The following MAGI1 variants were observed in gnomAD, a reference collection of about 807,000 sequenced individuals.
MAGI1 encodes membrane associated guanylate kinase, WW and PDZ domain containing 1.
In MAGI1, 58 loss-of-function variants were observed where a neutral mutation model predicts 139.9. The observed-to-expected ratio is 0.41, with a 90% CI of 0.34 to 0.52. The LOEUF is 0.52. Among genes scored for constraint, MAGI1 ranks in the 20% least tolerant of loss-of-function variants. MAGI1 has a pLI of 0.12. For missense variants in MAGI1, 1,874 were observed against 1,901.6 expected, an observed-to-expected ratio of 0.99 and a Z score of 0.27; for synonymous variants, 812 against 737.9, an observed-to-expected ratio of 1.10 and a Z score of -1.63.
At chr3:65,778,901 G>C (rs867293139) in intron 1 of MAGI1, among the ~76,000 whole-genome samples, 1 of 152,170 alleles carries the variant, frequency 6.6e-6, no homozygotes, top group Non-Finnish European at 1.5e-5. Context: ...GACATTTGGG[G>C]ATGTCCAGAG....
intron 1 of MAGI1, among the ~76,000 whole-genome samples, chr3:65,631,021 G>A (rs890252188): frequency 1.3e-5 from 2 of 152,254 alleles, no homozygotes; most frequent in Non-Finnish European, 2.9e-5. Context: ...TTCTTTTGCA[G>A]TTGTGTAGTG....
chr3:65,359,020 T>C (rs1483060861), intron 22 of MAGI1: 3 of 1,542,850 alleles, frequency 1.9e-6, no homozygotes, highest in East Asian at 2.2e-5. Context: ...ATGAGGAAAT[T>C]AGGCCACAGC....
chr3:65,534,569 G>C (rs1257639447), intron 2 of MAGI1, among the ~76,000 whole-genome samples: 5 of 152,122 alleles, frequency 3.3e-5, no homozygotes, highest in Admixed American at 3.3e-4. Flanking sequence ...TGTTACTTGG[G>C]CAAGTGTCTG....
intron 2 of MAGI1, among the ~76,000 whole-genome samples, chr3:65,604,875 T>C (rs1436125501): frequency 6.6e-6 from 1 of 152,188 alleles, no homozygotes; most frequent in Non-Finnish European, 1.5e-5. Flanking sequence ...ACATTTTCCT[T>C]AATGTGTTAC....
At chr3:65,591,919 C>T (rs577623901) in intron 2 of MAGI1, among the ~76,000 whole-genome samples, 4 of 152,306 alleles carry the variant, frequency 2.6e-5, no homozygotes, top group East Asian at 3.9e-4. Context: ...TATTTAAAAA[C>T]TGCAACATGC....
chr3:65,610,769 T>TATATATAGC (rs2083022182), intron 2 of MAGI1, among the ~76,000 whole-genome samples: 1 of 144,048 alleles, frequency 6.9e-6, no homozygotes, highest in South Asian at 2.1e-4. Context: ...ATATAGCATA[T>TATATATAGC]ATATATACTG....
chr3:65,438,705 T>C (rs1464312277), intron 9 of MAGI1, among the ~76,000 whole-genome samples: 1 of 152,250 alleles, frequency 6.6e-6, no homozygotes, highest in Admixed American at 6.5e-5. Context: ...GAGCCAAGAA[T>C]AACTTTTATT....
intron 4 of MAGI1, among the ~76,000 whole-genome samples, chr3:65,474,026 G>A (rs1051200343): frequency 6.6e-6 from 1 of 152,172 alleles, no homozygotes; most frequent in Non-Finnish European, 1.5e-5. Flanking sequence ...AGCTATTTAG[G>A]AGGCTGAGGA....
intron 1 of MAGI1, among the ~76,000 whole-genome samples, chr3:65,766,099 T>G (rs2037450479): frequency 7.0e-6 from 1 of 143,328 alleles, no homozygotes; most frequent in South Asian, 2.2e-4. Flanking sequence ...ACATTTGCCT[T>G]CCTAACATAT....
At chr3:65,404,812 A>T (rs1945200882) in intron 12 of MAGI1, among the ~76,000 whole-genome samples, 1 of 152,216 alleles carries the variant, frequency 6.6e-6, no homozygotes, top group Non-Finnish European at 1.5e-5. Context: ...AACTGCAGAC[A>T]TATCCCTACC....
At chr3:65,625,894 A>T (rs1464557851) in intron 1 of MAGI1, among the ~76,000 whole-genome samples, 2 of 152,218 alleles carry the variant, frequency 1.3e-5, no homozygotes, top group Non-Finnish European at 2.9e-5. Context: ...TCATTAATAA[A>T]CATTTAGTGT....
chr3:65,400,232 C>A (rs966947557), intron 13 of MAGI1, among the ~76,000 whole-genome samples: 2 of 152,154 alleles, frequency 1.3e-5, no homozygotes, highest in African/African-American at 4.8e-5. Context: ...AGGAAACCAG[C>A]CCTGAAGTCA....
chr3:65,784,736 G>A (rs375703229), intron 1 of MAGI1, among the ~76,000 whole-genome samples: 5 of 150,856 alleles, frequency 3.3e-5, no homozygotes, highest in Non-Finnish European at 5.9e-5. Flanking sequence ...AAAAAGAAAA[G>A]AAAAAAAAAA....
chr3:65,845,456 A>G (rs1255421916), intron 1 of MAGI1, among the ~76,000 whole-genome samples: 1 of 152,156 alleles, frequency 6.6e-6, no homozygotes, highest in Non-Finnish European at 1.5e-5. Flanking sequence ...TATCTACCAC[A>G]CTGGAATGCA....
At chr3:65,475,770 T>C (rs1421848343) in intron 4 of MAGI1, among the ~76,000 whole-genome samples, 1 of 151,936 alleles carries the variant, frequency 6.6e-6, no homozygotes, top group Admixed American at 6.6e-5. Context: ...AATCAATGAC[T>C]GCAGAAAGGA....
intron 1 of MAGI1, among the ~76,000 whole-genome samples, chr3:65,719,017 C>CAAAAAAA: frequency 1.0e-5 from 1 of 96,390 alleles, no homozygotes; most frequent in Non-Finnish European, 2.1e-5. Context: ...ATAACCCTAC[C>CAAAAAAA]AAAAAAAAAA....
In MAGI1 at chr3:65,359,354, G is replaced by C. The variant is rs1430417228; in HGVS notation, c.3634+1845C>G. The stretch of plus-strand genomic sequence containing the variant: ...AATAAGGCTGCAGAGACCGCAATCG[G>C]AACAGTGACATTTTTAGACAGCCAT... On this transcript the variant is annotated intron_variant, in intron 22 of 22. Transcript: ENST00000402939. 6.6e-6 allele frequency: 9 copies of C among 1,361,602 alleles called. No homozygotes were observed. The African/African-American group carries it at 1.0e-4, about 15-fold the overall frequency. 84.3% of individuals were successfully genotyped at this position (1,361,602 alleles called of 1,614,324 possible).
intron 1 of MAGI1, among the ~76,000 whole-genome samples, chr3:65,691,308 A>AAAAAAAAAAAAAAAAAAAAAATT (rs1383101472): frequency 7.4e-6 from 1 of 134,900 alleles, no homozygotes; most frequent in Non-Finnish European, 1.7e-5. Flanking sequence ...GTCTCAAAAA[A>AAAAAAAAAAAAAAAAAAAAAATT]AAAAAAAGAA....
intron 1 of MAGI1, among the ~76,000 whole-genome samples, chr3:65,815,058 T>C (rs893220152): frequency 1.3e-5 from 2 of 152,120 alleles, no homozygotes; most frequent in African/African-American, 4.8e-5. Context: ...CTCGTACAGT[T>C]CCCCACCAGT....
Sources: allele counts gnomAD v4.1 joint callset (sites outside exome capture counted in the v4.1 genomes callset), GRCh38; gene constraint gnomAD v4.1.1; transcripts MANE v1.5; gene names NCBI Gene and HGNC (gene_info 2026-07-23, HGNC 2026-07-21).